The following VPS13C variants were observed in gnomAD, a reference collection of about 807,000 sequenced individuals.
VPS13C encodes intermembrane lipid transfer protein VPS13C.
In VPS13C, 358 loss-of-function variants were observed where a neutral mutation model predicts 456.8. That is an observed-to-expected ratio of 0.78 (90% CI 0.72 to 0.86). The LOEUF (loss-of-function observed/expected upper bound fraction) is 0.86, where lower values mean the gene tolerates loss of function less well. Ranked by LOEUF, VPS13C falls within the 40% of genes least tolerant of loss-of-function variation. The pLI is 0.00. For synonymous variants in VPS13C, 1,578 were observed against 1,486.7 expected, an observed-to-expected ratio of 1.06 and a Z score of -1.41; for missense variants, 4,818 against 4,385.4, an observed-to-expected ratio of 1.10 and a Z score of -2.79.
intron 9 of VPS13C, among the ~76,000 whole-genome samples, chr15:62,016,608 T>G (rs559989535): frequency 5.2e-4 from 79 of 152,120 alleles, no homozygotes; most frequent in African/African-American, 1.8e-3. Context: ...AACTCATCAT[T>G]TTTTATGGCT....
At position 61,907,306 on chromosome 15, in the gene VPS13C, T is replaced by C. The variant is rs769865528; in HGVS notation, c.9063A>G (p.Thr3021=). ...CCCCAACATTTGCTGCATATGTCCA[T>C]GTAAGTTTTCTGGTACCAGTAGGAT... ...WADPTGTRKL[T]WTYAANVGEH... The change falls in exon 66 of 85, where the codon ACA becomes ACG. Residue 3021 remains threonine (T), a synonymous_variant. Coordinates refer to ENST00000644861, the MANE Select transcript of VPS13C (RefSeq NM_020821.3). The C allele has an allele frequency of 1.4e-4, 222 of 1,613,902 alleles. No homozygotes were observed. The highest frequency in any genetic ancestry group is 1.8e-4 in the Non-Finnish European group (218 of 1,179,876).
intron 66 of VPS13C, among the ~76,000 whole-genome samples, chr15:61,899,700 C>T (rs1051848885): frequency 3.0e-4 from 46 of 151,070 alleles, no homozygotes; most frequent in African/African-American, 1.0e-3. Flanking sequence ...CGAACTGGTA[C>T]CATTCCTTCT....
rs1286211541 is a variant in VPS13C, at chr15:61,934,097, T to A, written c.5868+122A>T. 1.2e-5 allele frequency: 6 copies of A among 521,272 alleles called. No individual in the cohort carries two copies. The East Asian group carries it at 1.7e-4, about 15-fold the overall frequency. The allele number at this position is 521,272 out of a possible 1,614,324, so 32.3% of individuals were successfully genotyped here. ...ACCAATGCACATTCTGTAGGCCAAA[T>A]AGAATTTTATAGACATATTAAATGT... On this transcript the variant is annotated intron_variant, in intron 49 of 84. Coordinates refer to ENST00000644861, the MANE Select transcript of VPS13C (RefSeq NM_020821.3).
chr15:62,056,600 T>G (rs953650495), intron 1 of VPS13C, among the ~76,000 whole-genome samples: 35 of 152,200 alleles, frequency 2.3e-4, no homozygotes, highest in Non-Finnish European at 4.0e-4. Flanking sequence ...GGAGTTTAGA[T>G]AAGACTCTGC....
At chr15:61,953,601 G>T (rs1166850144) in intron 38 of VPS13C, among the ~76,000 whole-genome samples, 1 of 151,906 alleles carries the variant, frequency 6.6e-6, no homozygotes, top group Non-Finnish European at 1.5e-5. Context: ...GTATTCCATG[G>T]TGTATATGTG....
chr15:62,036,002 C>G (rs2047986088), intron 3 of VPS13C, among the ~76,000 whole-genome samples: 1 of 152,034 alleles, frequency 6.6e-6, no homozygotes, highest in African/African-American at 2.4e-5. Context: ...TCCCTAATCT[C>G]TAGTATCCCC....
chr15:61,905,478 T>C (rs2043129347), intron 66 of VPS13C, among the ~76,000 whole-genome samples: 1 of 152,162 alleles, frequency 6.6e-6, no homozygotes, highest in Non-Finnish European at 1.5e-5. Context: ...TTTACTGACA[T>C]AACTGATGGG....
At chr15:61,973,595 T>G (rs2045619818) in intron 25 of VPS13C, 63 bp from the exon 26 acceptor site, 1 of 1,232,090 alleles carries the variant, frequency 8.1e-7, no homozygotes, top group African/African-American at 1.5e-5. Context: ...ATGTCATAAA[T>G]GAGAGGAAGA....
At chr15:61,932,481 C>T (rs2044094270) in intron 49 of VPS13C, among the ~76,000 whole-genome samples, 1 of 151,694 alleles carries the variant, frequency 6.6e-6, no homozygotes, top group African/African-American at 2.4e-5. Context: ...GATCTTTATT[C>T]TACCATAACA....
intron 48 of VPS13C, among the ~76,000 whole-genome samples, chr15:61,936,377 C>A (rs111282831): frequency 6.6e-6 from 1 of 152,170 alleles, no homozygotes; most frequent in Admixed American, 6.5e-5. Flanking sequence ...TTAGCATTCA[C>A]AAGTAAAGGG....
intron 53 of VPS13C, among the ~76,000 whole-genome samples, chr15:61,923,859 A>ATTT (rs2043743450): frequency 2.9e-5 from 2 of 69,354 alleles, no homozygotes; most frequent in Non-Finnish European, 5.9e-5. Context: ...ACCCCTCTAA[A>ATTT]TCTTTTTTTT....
chr15:61,943,622 C>A (rs1299140283), intron 45 of VPS13C, among the ~76,000 whole-genome samples: 1 of 151,878 alleles, frequency 6.6e-6, no homozygotes, highest in Non-Finnish European at 1.5e-5. Flanking sequence ...TACCTTTCAC[C>A]ATATACAAAA....
intron 66 of VPS13C, among the ~76,000 whole-genome samples, chr15:61,895,918 C>A (rs2042795304): frequency 6.6e-6 from 1 of 151,886 alleles, no homozygotes; most frequent in Non-Finnish European, 1.5e-5. Flanking sequence ...CTACAGTTAA[C>A]AATATTATTA....
At chr15:61,880,451 C>A (rs1023183506) in intron 73 of VPS13C, among the ~76,000 whole-genome samples, 158 bp downstream of exon 73, 3 of 152,066 alleles carry the variant, frequency 2.0e-5, no homozygotes, top group African/African-American at 4.8e-5. Flanking sequence ...TGTGGCTGCA[C>A]ATATGCTACA....
intron 15 of VPS13C, among the ~76,000 whole-genome samples, chr15:62,007,003 T>C (rs2046872511): frequency 6.6e-6 from 1 of 152,170 alleles, no homozygotes; most frequent in East Asian, 1.9e-4. Context: ...GATATATCTA[T>C]CTAATAAACA....
intron 52 of VPS13C, among the ~76,000 whole-genome samples, chr15:61,926,554 C>T (rs901014457): frequency 2.0e-5 from 3 of 152,088 alleles, no homozygotes; most frequent in Non-Finnish European, 2.9e-5. Context: ...ATTTAAAATG[C>T]CACTGCAAAT....
intron 67 of VPS13C, among the ~76,000 whole-genome samples, chr15:61,885,831 G>A (rs1237235662): frequency 6.6e-6 from 1 of 152,098 alleles, no homozygotes; most frequent in Admixed American, 6.6e-5. Context: ...ATTCTCACCT[G>A]TAGTTGTCCT....
rs2140320311 is a variant in VPS13C, at chr15:61,961,863, C to T, written c.3634G>A (p.Glu1212Lys). ...TGGGCAGTGGCAGCACTCAGAGACTCTTTGGCTGTCTGGAAATTATTCAGG... is the reference window on the plus strand; with the variant it reads ...TGGGCAGTGGCAGCACTCAGAGACTTTTTGGCTGTCTGGAAATTATTCAGG... ...NFLNNFQTAK[E>K]SLSAATAQAA... The change falls in exon 35 of 85, where the codon GAG becomes AAG. Residue 1212 changes from glutamate to lysine, a missense_variant. By Grantham distance (56) the Glu-to-Lys change is moderately conservative. Transcript: ENST00000644861. 6.2e-7 allele frequency: 1 copy of T among 1,612,270 alleles called. No homozygotes were observed. Among genetic ancestry groups the T allele is most frequent in the East Asian group, 2.2e-5 (1 of 44,878 alleles).
At chr15:61,919,546 T>C in intron 57 of VPS13C, 97 bp from the exon 58 acceptor site, 1 of 1,199,654 alleles carries the variant, frequency 8.3e-7, no homozygotes, top group African/African-American at 1.6e-5. Flanking sequence ...AGAGTATTTT[T>C]CCTCATCACT....
Sources: allele counts gnomAD v4.1 joint callset (sites outside exome capture counted in the v4.1 genomes callset), GRCh38; gene constraint gnomAD v4.1.1; transcripts MANE v1.5; gene names NCBI Gene and HGNC (gene_info 2026-07-23, HGNC 2026-07-21).